TBC1D5: variants seen among roughly 807,000 people sequenced by gnomAD.
The protein encoded by TBC1D5 is TBC1 domain family member 5, also known as TBC1 domain family, member 5.
In TBC1D5, 75 loss-of-function variants were observed where a neutral mutation model predicts 100.3. The ratio of observed to expected loss-of-function variants is 0.75; its 90% CI spans 0.62 to 0.91. The LOEUF (loss-of-function observed/expected upper bound fraction) is 0.91, where lower values mean the gene tolerates loss of function less well. TBC1D5 is among the 40% of genes least tolerant of loss of function. TBC1D5 has a pLI of 0.00. For synonymous variants in TBC1D5, 323 were observed against 325.6 expected (o/e 0.99, Z 0.09); for missense variants, 910 against 942.4 (o/e 0.97, Z 0.45).
rs987909760 is a variant in TBC1D5 at position 17,666,329 on chromosome 3, A to C, written c.-100-42416T>G. On this transcript the variant is annotated intron_variant, in intron 1 of 21. Coordinates refer to ENST00000253692, the Ensembl canonical transcript of TBC1D5. ...ACCTTGGTCCAATTATTTATCTCCCAAAACTTCTGTTTCCTACTGACAAAG... is the reference window on the plus strand; with the variant it reads ...ACCTTGGTCCAATTATTTATCTCCCCAAACTTCTGTTTCCTACTGACAAAG... 2.2e-4 allele frequency among the ~76,000 whole-genome samples: 33 copies of C among 152,178 alleles called. 1 individual carries two copies. Among genetic ancestry groups the C allele is most frequent in the Admixed American group, 1.7e-3 (26 of 15,286 alleles).
chr3:17,583,594 G>A (rs1022312822), intron 2 of TBC1D5, among the ~76,000 whole-genome samples: 14 of 152,108 alleles, frequency 9.2e-5, no homozygotes, highest in Admixed American at 3.3e-4. Flanking sequence ...GGGCATAGTG[G>A]CATGCATCTG....
chr3:17,267,221 AC>A (rs1198981660), intron 15 of TBC1D5, among the ~76,000 whole-genome samples: 1 of 152,094 alleles, frequency 6.6e-6, no homozygotes, highest in African/African-American at 2.4e-5. Flanking sequence ...AGAGTAACAT[AC>A]CCCCTACCCT....
At chr3:17,649,632 G>T (rs2065343930) in intron 1 of TBC1D5, among the ~76,000 whole-genome samples, 1 of 152,054 alleles carries the variant, frequency 6.6e-6, no homozygotes, top group African/African-American at 2.4e-5. Flanking sequence ...TCATTAAAAA[G>T]TCAGGAAACA....
intron 1 of TBC1D5, among the ~76,000 whole-genome samples, chr3:17,738,225 T>TCC (rs2077116525): frequency 6.6e-6 from 1 of 152,232 alleles, no homozygotes; most frequent in Non-Finnish European, 1.5e-5. Flanking sequence ...AACTCTGCTT[T>TCC]CTTGGCCCAT....
chr3:17,334,045 G>A (rs887018170), intron 13 of TBC1D5, among the ~76,000 whole-genome samples: 1 of 151,922 alleles, frequency 6.6e-6, no homozygotes, highest in Non-Finnish European at 1.5e-5. Context: ...AAAGCAGTGG[G>A]GTAAATGAAT....
At chr3:17,234,102 C>T (rs1030425794) in intron 17 of TBC1D5, among the ~76,000 whole-genome samples, 14 of 151,950 alleles carry the variant, frequency 9.2e-5, no homozygotes, top group Non-Finnish European at 1.8e-4. Flanking sequence ...AGTTATATGT[C>T]ATTTATTTAA....
At position 17,238,162 on chromosome 3, in the gene TBC1D5, C is replaced by A. The variant is rs753125964; in HGVS notation, c.1588+1G>T. On this transcript the variant is annotated splice_donor_variant, in intron 17 of 21. Transcript: ENST00000253692. LOFTEE classifies it high-confidence loss of function. ...TTAGATTTACTAGTATTTTTTCCTA[C>A]CTTTGTTCAATTGCACAGGCATGCT... 1 of 1,611,176 alleles carries A rather than the reference C, an allele frequency of 6.2e-7. No homozygotes were observed.
chr3:17,201,754 C>T (rs905019119), intron 18 of TBC1D5, among the ~76,000 whole-genome samples: 1 of 152,148 alleles, frequency 6.6e-6, no homozygotes, highest in Non-Finnish European at 1.5e-5. Flanking sequence ...GATGTGAATC[C>T]TTCCTCTTCA....
At chr3:17,177,903 C>T (rs2067969724) in intron 19 of TBC1D5, among the ~76,000 whole-genome samples, 1 of 152,120 alleles carries the variant, frequency 6.6e-6, no homozygotes, top group Non-Finnish European at 1.5e-5. Context: ...TCATTCTACT[C>T]TTTATCTCCA....
At chr3:17,345,322 CTCA>C (rs1575446160) in intron 13 of TBC1D5, among the ~76,000 whole-genome samples, 1 of 152,142 alleles carries the variant, frequency 6.6e-6, no homozygotes, top group African/African-American at 2.4e-5. Flanking sequence ...TGAAAAAATG[CTCA>C]TCATCACTGG....
intron 4 of TBC1D5, 58 bp from the exon 5 acceptor site, chr3:17,406,584 A>T (rs1442031193): frequency 2.0e-6 from 3 of 1,497,586 alleles, no homozygotes; most frequent in Non-Finnish European, 2.7e-6. Context: ...CTGCTTGGAG[A>T]GAAGTTCTAC....
intron 13 of TBC1D5, among the ~76,000 whole-genome samples, chr3:17,311,440 CTA>C (rs1445211117): frequency 6.6e-6 from 1 of 152,004 alleles, no homozygotes; most frequent in Admixed American, 6.6e-5. Context: ...GGACAAGTCT[CTA>C]TGTTTGCATT....
chr3:17,354,612 T>A (rs935756155), intron 13 of TBC1D5, among the ~76,000 whole-genome samples: 4 of 151,852 alleles, frequency 2.6e-5, no homozygotes, highest in African/African-American at 9.7e-5. Context: ...GATTATTGAG[T>A]GAGCGATGAA....
At chr3:17,225,468 C>T (rs1167381258) in intron 17 of TBC1D5, among the ~76,000 whole-genome samples, 2 of 141,394 alleles carry the variant, frequency 1.4e-5, no homozygotes, top group Non-Finnish European at 3.1e-5. Flanking sequence ...AAAAAACAAA[C>T]ACCAACCAAA....
At chr3:17,662,509 T>G (rs1336666253) in intron 1 of TBC1D5, among the ~76,000 whole-genome samples, 2 of 152,218 alleles carry the variant, frequency 1.3e-5, no homozygotes, top group African/African-American at 4.8e-5. Context: ...TGAGCCAATA[T>G]TTTATGTATT....
chr3:17,548,277 T>C (rs1025798475), intron 2 of TBC1D5, among the ~76,000 whole-genome samples: 1 of 152,100 alleles, frequency 6.6e-6, no homozygotes, highest in African/African-American at 2.4e-5. Context: ...ATCACACTAC[T>C]GCACTAAGGA....
Position 17,315,910 on chromosome 3 carries a change from A to T in TBC1D5, c.996-7776T>A, listed in dbSNP as rs549494352. 4.6e-5 allele frequency among the ~76,000 whole-genome samples: 7 copies of T among 152,272 alleles called. No individual in the cohort carries two copies. In the East Asian group the frequency reaches 1.4e-3, roughly 29 times the overall value. On this transcript the variant is annotated intron_variant, in intron 13 of 21. Transcript: ENST00000253692. ...AGGCTGTAGGCATGGCAGAGGGCTA[A>T]CTAGACGTGGGGTACCATATATGAT...
At chr3:17,341,903 A>C (rs2089021268) in intron 13 of TBC1D5, among the ~76,000 whole-genome samples, 1 of 152,082 alleles carries the variant, frequency 6.6e-6, no homozygotes, top group African/African-American at 2.4e-5. Flanking sequence ...CTAGTCCTTA[A>C]GGCCTCCCTC....
chr3:17,518,797 G>A (rs991195745), intron 2 of TBC1D5: 2 of 152,298 alleles, frequency 1.3e-5, no homozygotes, highest in African/African-American at 4.8e-5. Context: ...TGCCCTCTGG[G>A]GCTTTAGAGG....
Sources: allele counts gnomAD v4.1 joint callset (sites outside exome capture counted in the v4.1 genomes callset), GRCh38; gene constraint gnomAD v4.1.1; transcripts MANE v1.5; gene names NCBI Gene and HGNC (gene_info 2026-07-23, HGNC 2026-07-21).